CCDC178: variants seen among roughly 807,000 people sequenced by gnomAD.
The protein encoded by CCDC178 is coiled-coil domain-containing protein 178.
In CCDC178, 126 loss-of-function variants were observed where a neutral mutation model predicts 117.4. The ratio of observed to expected loss-of-function variants is 1.07; its 90% confidence interval spans 0.93 to 1.24. The LOEUF (loss-of-function observed/expected upper bound fraction) is 1.24. Ranked by LOEUF, CCDC178 falls within the 50% of genes most tolerant of loss-of-function variation. CCDC178 has a pLI of 0.00. For missense variants in CCDC178, 1,030 were observed against 986.9 expected, an observed-to-expected ratio of 1.04 and a Z score of -0.59; for synonymous variants, 283 against 313.4, an observed-to-expected ratio of 0.90 and a Z score of 1.02.
chr18:32,993,109 T>C (rs2055428499), intron 21 of CCDC178, among the ~76,000 whole-genome samples: 1 of 151,922 alleles, frequency 6.6e-6, no homozygotes, highest in African/African-American at 2.4e-5. Flanking sequence ...GAGGTTGCAG[T>C]GAGCTGAGAT....
At chr18:33,363,024 A>C (rs1362719542) in intron 6 of CCDC178, among the ~76,000 whole-genome samples, 1 of 151,968 alleles carries the variant, frequency 6.6e-6, no homozygotes, top group Non-Finnish European at 1.5e-5. Flanking sequence ...TACCATACTA[A>C]TGAGATATTT....
At chr18:33,248,082 G>T (rs996684653) in intron 14 of CCDC178, among the ~76,000 whole-genome samples, 1 of 151,618 alleles carries the variant, frequency 6.6e-6, no homozygotes, top group Non-Finnish European at 1.5e-5. Flanking sequence ...TGATAAAACA[G>T]CAGAATATTA....
At chr18:33,383,322 T>G (rs1045974935) in intron 5 of CCDC178, among the ~76,000 whole-genome samples, 1 of 152,086 alleles carries the variant, frequency 6.6e-6, no homozygotes, top group Non-Finnish European at 1.5e-5. Context: ...GATCAGCTGA[T>G]CCTGACAAGG....
chr18:32,954,984 G>A (rs780439559), intron 22 of CCDC178, among the ~76,000 whole-genome samples: 1 of 152,058 alleles, frequency 6.6e-6, no homozygotes, highest in Middle Eastern at 3.4e-3. Flanking sequence ...TTTATCTCCA[G>A]TGACATTACA....
At chr18:33,149,856 A>AC (rs1163837967) in intron 20 of CCDC178, among the ~76,000 whole-genome samples, 1 of 152,018 alleles carries the variant, frequency 6.6e-6, no homozygotes, top group Non-Finnish European at 1.5e-5. Context: ...AAAAATATAC[A>AC]CCCATCATTC....
chr18:33,288,918 A>G (rs184846616), intron 12 of CCDC178, among the ~76,000 whole-genome samples: 25 of 152,312 alleles, frequency 1.6e-4, no homozygotes, highest in Admixed American at 1.5e-3. Flanking sequence ...GTTAGAGTAT[A>G]GAGTCAGAGG....
intron 21 of CCDC178, among the ~76,000 whole-genome samples, chr18:33,049,494 T>C (rs1460096477): frequency 6.6e-6 from 1 of 152,202 alleles, no homozygotes; most frequent in Non-Finnish European, 1.5e-5. Flanking sequence ...TTTATCACTT[T>C]ACATTATATC....
intron 21 of CCDC178, among the ~76,000 whole-genome samples, chr18:33,062,024 T>C (rs1161482911): frequency 6.6e-6 from 1 of 152,206 alleles, no homozygotes; most frequent in Non-Finnish European, 1.5e-5. Context: ...ATTTTGTTGC[T>C]ATGAAATAGG....
intron 3 of CCDC178, among the ~76,000 whole-genome samples, chr18:33,407,360 A>G (rs1483886581): frequency 6.6e-6 from 1 of 152,192 alleles, no homozygotes; most frequent in African/African-American, 2.4e-5. Flanking sequence ...TTAGCGATCT[A>G]AGCAACCAAA....
chr18:33,393,156 T>G (rs1413301471), intron 4 of CCDC178, among the ~76,000 whole-genome samples: 1 of 152,204 alleles, frequency 6.6e-6, no homozygotes, highest in Non-Finnish European at 1.5e-5. Context: ...TTTTCTTGTG[T>G]GTACTTCCAG....
chr18:33,186,275 T>C (rs1346912332), intron 20 of CCDC178, among the ~76,000 whole-genome samples: 1 of 152,110 alleles, frequency 6.6e-6, no homozygotes, highest in East Asian at 1.9e-4. Context: ...CTTACATGAG[T>C]AAAAGAGTGT....
At chr18:33,288,242 C>CCCTCCTCTCCTCCTCCTCCCCTCCGCTT (rs2060123919) in intron 12 of CCDC178, among the ~76,000 whole-genome samples, 1 of 107,156 alleles carries the variant, frequency 9.3e-6, no homozygotes, top group South Asian at 4.1e-4. Context: ...CCCCTCCGCT[C>CCCTCCTCTCCTCCTCCTCCCCTCCGCTT]CCCTCCTCTC....
At chr18:32,995,959 A>C (rs1417483999) in intron 21 of CCDC178, among the ~76,000 whole-genome samples, 1 of 148,312 alleles carries the variant, frequency 6.7e-6, no homozygotes, top group East Asian at 2.0e-4. Context: ...GTCTCTCTCT[A>C]TATTTACATA....
chr18:33,266,349 T>C (rs1461327504), intron 14 of CCDC178, among the ~76,000 whole-genome samples: 1 of 151,744 alleles, frequency 6.6e-6, no homozygotes, highest in African/African-American at 2.4e-5. Flanking sequence ...AAAATTGTAG[T>C]ATATATAGGG....
At chr18:33,054,115 T>A (rs551073216) in intron 21 of CCDC178, among the ~76,000 whole-genome samples, 4 of 152,304 alleles carry the variant, frequency 2.6e-5, no homozygotes, top group South Asian at 2.1e-4. Context: ...CACCCTTTCC[T>A]ATAATTATTA....
intron 12 of CCDC178, among the ~76,000 whole-genome samples, chr18:33,280,776 A>C (rs1487046279): frequency 6.6e-6 from 1 of 152,346 alleles, no homozygotes; most frequent in African/African-American, 2.4e-5. Context: ...TGCAGCCATA[A>C]AAAATGATGA....
At chr18:33,078,950 A>G (rs975702149) in intron 21 of CCDC178, among the ~76,000 whole-genome samples, 1 of 152,194 alleles carries the variant, frequency 6.6e-6, no homozygotes, top group African/African-American at 2.4e-5. Flanking sequence ...ATATGAAACA[A>G]AAAAGCCTGA....
intron 20 of CCDC178, among the ~76,000 whole-genome samples, chr18:33,118,801 C>T (rs1222333486): frequency 6.6e-6 from 1 of 152,096 alleles, no homozygotes; most frequent in African/African-American, 2.4e-5. Context: ...TACTACAAGG[C>T]TACAGTAACC....
At chr18:32,975,933 A>G (rs1453529914) in intron 21 of CCDC178, among the ~76,000 whole-genome samples, 13 of 152,136 alleles carry the variant, frequency 8.5e-5, no homozygotes, top group African/African-American at 3.1e-4. Context: ...AAAACAATTC[A>G]CTTAACTAAA....
Sources: gnomAD v4.1 joint callset for allele counts (sites outside exome capture counted in the v4.1 genomes callset) on GRCh38, gnomAD v4.1.1 for gene constraint, MANE v1.5 for transcripts, NCBI Gene and HGNC (gene_info 2026-07-23, HGNC 2026-07-21) for gene names.